The following STK33 variants were observed in gnomAD, a reference collection of about 807,000 sequenced individuals.
The protein encoded by STK33 is serine/threonine kinase 33.
In STK33, 52 loss-of-function variants were observed where a neutral mutation model predicts 58.0. The ratio of observed to expected loss-of-function variants is 0.90; its 90% confidence interval spans 0.72 to 1.13. The LOEUF (loss-of-function observed/expected upper bound fraction) is 1.13, where lower values mean the gene tolerates loss of function less well. STK33 is among the 50% of genes most tolerant of loss of function. The pLI, the probability that STK33 is intolerant of heterozygous loss-of-function variation, is 0.00. For synonymous variants in STK33, 215 were observed against 200.1 expected, an observed-to-expected ratio of 1.07 and a Z score of -0.63; for missense variants, 630 against 604.2, an observed-to-expected ratio of 1.04 and a Z score of -0.45.
chr11:8,455,810 CAAAAAAAAAAAAA>C (rs1156835375), intron 9 of STK33, among the ~76,000 whole-genome samples: 4 of 47,118 alleles, frequency 8.5e-5, no homozygotes, highest in Non-Finnish European at 1.2e-4. Flanking sequence ...GACTCTGTCT[CAAAAAAAAAAAAA>C]AAAAAAAAAA....
chr11:8,536,972 A>AATTT (rs1565305538), intron 1 of STK33, among the ~76,000 whole-genome samples: 38 of 65,724 alleles, frequency 5.8e-4, no homozygotes, highest in East Asian at 1.7e-3. Flanking sequence ...AAAAAAAAAG[A>AATTT]TTTTTTTTTT....
At chr11:8,516,903 G>A (rs948293910) in intron 1 of STK33, among the ~76,000 whole-genome samples, 19 of 152,142 alleles carry the variant, frequency 1.2e-4, no homozygotes, top group African/African-American at 4.1e-4. Context: ...TCCACATCTG[G>A]GGCAGGGCAT....
intron 1 of STK33, among the ~76,000 whole-genome samples, chr11:8,559,747 A>C (rs1369931285): frequency 6.6e-6 from 1 of 152,208 alleles, no homozygotes; most frequent in Non-Finnish European, 1.5e-5. Context: ...CAGAGGGTAT[A>C]AAATGAAAAT....
intron 1 of STK33, among the ~76,000 whole-genome samples, chr11:8,587,176 G>T (rs1041196953): frequency 1.3e-5 from 2 of 152,164 alleles, no homozygotes; most frequent in Non-Finnish European, 2.9e-5. Flanking sequence ...CATCAAGTAT[G>T]AAGCTCCCTT....
the STK33 span, among the ~76,000 whole-genome samples, chr11:8,339,349 C>T: frequency 6.6e-6 from 1 of 152,216 alleles, no homozygotes; most frequent in Non-Finnish European, 1.5e-5. Flanking sequence ...TTAATAAACA[C>T]CTTGTCTCCT....
At chr11:8,362,388 C>T in the STK33 span, among the ~76,000 whole-genome samples, 160 of 152,286 alleles carry the variant, frequency 1.1e-3, no homozygotes, top group African/African-American at 3.7e-3. Context: ...ATGCCATGGT[C>T]GCTCATTCGG....
At chr11:8,521,258 G>A (rs1953404503) in intron 1 of STK33, among the ~76,000 whole-genome samples, 1 of 152,006 alleles carries the variant, frequency 6.6e-6, no homozygotes, top group Non-Finnish European at 1.5e-5. Context: ...AAACAGCATG[G>A]TACTGGTACC....
intron 15 of STK33, among the ~76,000 whole-genome samples, chr11:8,396,060 C>A (rs10840033): frequency 0.16 from 24,620 of 152,130 alleles, 2,494 homozygotes; most frequent in East Asian, 0.29. Context: ...CTCCTTCACT[C>A]CCTGGTAACA....
Position 8,493,220 on chromosome 11 carries a change from A to G in STK33, c.-465-12606T>C, listed in dbSNP as rs183235016. ...CGCTAGCAAGACTAATAAAGAAGAA[A>G]ACAGAGAAGAATCAAATAGACACAA... On this transcript the variant is annotated intron_variant, in intron 1 of 15. Coordinates refer to ENST00000687296, the MANE Select transcript of STK33 (RefSeq NM_001352389.2). Among the ~76,000 whole-genome samples the G allele has an allele frequency of 2.4e-3, 371 of 152,318 alleles. 7 individuals carry two copies. The highest frequency in any genetic ancestry group is 9.4e-4 in the Non-Finnish European group (64 of 68,024).
chr11:8,337,231 CA>C, the STK33 span, among the ~76,000 whole-genome samples: 1 of 152,248 alleles, frequency 6.6e-6, no homozygotes, highest in Non-Finnish European at 1.5e-5. Context: ...CCGTCCTCTT[CA>C]GACTGGGGAA....
At chr11:8,496,843 G>A (rs2138949072) in intron 1 of STK33, among the ~76,000 whole-genome samples, 1 of 151,998 alleles carries the variant, frequency 6.6e-6, no homozygotes, top group Non-Finnish European at 1.5e-5. Flanking sequence ...CAAAGTGCTA[G>A]GATTACAGGC....
chr11:8,508,240 C>T (rs1482843021), intron 1 of STK33, among the ~76,000 whole-genome samples: 2 of 148,996 alleles, frequency 1.3e-5, no homozygotes, highest in Non-Finnish European at 3.0e-5. Flanking sequence ...CATGTATATA[C>T]TGAAACAAAT....
At chr11:8,427,595 C>G (rs1285903684) in intron 14 of STK33, among the ~76,000 whole-genome samples, 1 of 151,958 alleles carries the variant, frequency 6.6e-6, no homozygotes, top group Non-Finnish European at 1.5e-5. Flanking sequence ...GATTTTGGCA[C>G]TTTTACTTTT....
intron 1 of STK33, among the ~76,000 whole-genome samples, chr11:8,548,239 T>C (rs1238025579): frequency 1.3e-5 from 2 of 152,190 alleles, no homozygotes; most frequent in East Asian, 3.8e-4. Flanking sequence ...TTTCATAGTT[T>C]CAAGTCTTAC....
the STK33 span, among the ~76,000 whole-genome samples, chr11:8,373,294 G>A: frequency 6.6e-6 from 1 of 152,220 alleles, no homozygotes; most frequent in Admixed American, 6.5e-5. Context: ...GACTCAAGGG[G>A]TTGGGGAACA....
At chr11:8,435,115 A>C (rs747854373) in intron 14 of STK33, among the ~76,000 whole-genome samples, 1 of 152,198 alleles carries the variant, frequency 6.6e-6, no homozygotes. Flanking sequence ...GAGTCCCCAA[A>C]GATTTTCTAC....
chr11:8,544,746 T>TA (rs1443022991), intron 1 of STK33, among the ~76,000 whole-genome samples: 1 of 152,148 alleles, frequency 6.6e-6, no homozygotes, highest in Non-Finnish European at 1.5e-5. Context: ...AAAAGAGACT[T>TA]ATTTTTAAAA....
At chr11:8,534,576 G>A (rs5012852) in intron 1 of STK33, among the ~76,000 whole-genome samples, 1 of 125,810 alleles carries the variant, frequency 7.9e-6, no homozygotes, top group Non-Finnish European at 1.8e-5. Context: ...CTCTGTGTGT[G>A]TGTGTGTGTG....
intron 1 of STK33, among the ~76,000 whole-genome samples, chr11:8,536,016 C>T (rs1275207103): frequency 6.6e-6 from 1 of 152,106 alleles, no homozygotes; most frequent in Non-Finnish European, 1.5e-5. Context: ...GCAAATAACG[C>T]ATGTTCTCAC....
Sources: allele counts gnomAD v4.1 joint callset (sites outside exome capture counted in the v4.1 genomes callset), GRCh38; gene constraint gnomAD v4.1.1; transcripts MANE v1.5; gene names NCBI Gene and HGNC (gene_info 2026-07-23, HGNC 2026-07-21).